Variants in PITX1 observed in about 807,000 individuals in gnomAD.
PITX1 encodes the protein paired like homeodomain 1.
In PITX1, 5 loss-of-function variants were observed where a neutral mutation model predicts 24.1. The observed-to-expected ratio is 0.21, with a 90% CI of 0.11 to 0.44. The LOEUF is 0.44. PITX1 is among the 20% of genes least tolerant of loss of function. PITX1 has a pLI of 0.99. For synonymous variants in PITX1, 213 were observed against 208.9 expected (o/e 1.02, Z -0.17); for missense variants, 401 against 455.4 (o/e 0.88, Z 1.09).
Position 135,033,544 on chromosome 5 carries a change from A to C in PITX1, c.169+169T>G. ...GTGGAAGTGCCTTCGCGTGTGCGTA[A>C]GTTTCCGCGTTCACCGTCAGGTCGA... On this transcript the variant is annotated intron_variant, in intron 1 of 2. Coordinates refer to ENST00000265340, the MANE Select transcript of PITX1 (RefSeq NM_002653.5). The surrounding 1 kb of genome is among the most constrained non-coding windows in gnomAD (Gnocchi z 5.9). 1 of 700,558 alleles carries C rather than the reference A, an allele frequency of 1.4e-6. No homozygotes were observed. Among genetic ancestry groups the C allele is most frequent in the Non-Finnish European group, 2.3e-6 (1 of 426,638 alleles). The allele number at this position is 700,558 out of a possible 1,614,324, so 43.4% of individuals were successfully genotyped here.
Position 135,033,662 on chromosome 5 carries a change from G to A in PITX1, c.169+51C>T, listed in dbSNP as rs750504262. The A allele has an allele frequency of 3.8e-5, 59 of 1,571,814 alleles. 1 individual carries two copies. The highest frequency in any genetic ancestry group is 3.9e-4 in the Middle Eastern group (2 of 5,128). ...TCAGGCCCTGCTCCCAGCTCCCCGT[G>A]CTCCGCGCCCGGGTAGGCTCTGTGC... On this transcript the variant is annotated intron_variant, in intron 1 of 2. Coordinates refer to ENST00000265340, the MANE Select transcript of PITX1 (RefSeq NM_002653.5). This position sits in a 1 kb window ranked among gnomAD's most constrained non-coding sequence, Gnocchi z 5.9.
At position 135,031,358 on chromosome 5, in the gene PITX1, G is replaced by A. The variant is rs1312538588; in HGVS notation, c.320C>T (p.Thr107Met). ...TSQQLQELEA[T>M]FQRNRYPDMS... ...GTCGGGGTAGCGGTTCCTCTGGAACGTGGCCTCTAGCTCTTGCAACTGCTG... is the reference window on the plus strand; with the variant it reads ...GTCGGGGTAGCGGTTCCTCTGGAACATGGCCTCTAGCTCTTGCAACTGCTG... The change falls in exon 2 of 3, where the codon ACG becomes ATG. Residue 107 changes from threonine to methionine, a missense_variant. Physicochemically the swap from Thr to Met is moderately conservative, Grantham distance 81. Transcript: ENST00000265340. 2.5e-6 allele frequency: 4 copies of A among 1,614,084 alleles called. No individual in the cohort carries two copies. The highest frequency in any genetic ancestry group is 1.3e-5 in the African/African-American group (1 of 75,050).
rs1231084017 is a variant in PITX1 at position 135,028,598 on chromosome 5, T to C, written c.*181A>G. 7.0e-6 allele frequency: 1 copy of C among 143,310 alleles called. No homozygotes were observed. The highest frequency in any genetic ancestry group is 1.2e-5 in the Non-Finnish European group (1 of 80,366). 8.9% of individuals were successfully genotyped at this position (143,310 alleles called of 1,614,324 possible). A position where few individuals can be genotyped will look rare whatever the true frequency, so the allele number is the denominator to read the frequency against. ...TGTCTTTTTGGAGGGCAGAGTGGGG[T>C]CCGGAAAAGCAAACACAAAACCAAC... is the stretch of plus-strand genomic sequence containing the variant. On this transcript the variant is annotated 3_prime_UTR_variant, in exon 3 of 3. Transcript: ENST00000265340.
At position 135,033,103 on chromosome 5, in the gene PITX1, G is replaced by C. The variant is rs1351691873; in HGVS notation, c.169+610C>G. 3 of 395,152 alleles carry C rather than the reference G, an allele frequency of 7.6e-6. No individual in the cohort carries two copies. Among genetic ancestry groups the C allele is most frequent in the East Asian group, 8.7e-5 (1 of 11,446 alleles). The allele number at this position is 395,152 out of a possible 1,614,324, so 24.5% of individuals were successfully genotyped here. A position where few individuals can be genotyped will look rare whatever the true frequency, so the allele number is the denominator to read the frequency against. ...CCAGAGCCGGGCTGCTCCGGGCTTC[G>C]GCCGCGCACGTGGGCCGGATCCCTT... On this transcript the variant is annotated intron_variant, in intron 1 of 2. Coordinates refer to ENST00000265340, the MANE Select transcript of PITX1 (RefSeq NM_002653.5). This position sits in a 1 kb window ranked among gnomAD's most constrained non-coding sequence, Gnocchi z 5.9.
At chr5:135,029,492 C>G (rs1431051072) in intron 2 of PITX1, among the ~76,000 whole-genome samples, 171 bp from the exon 3 acceptor site, 1 of 152,230 alleles carries the variant, frequency 6.6e-6, no homozygotes, top group Non-Finnish European at 1.5e-5. Context: ...CCTTTCCTGT[C>G]CCCAGAAAAT....
chr5:135,031,621 C>T, intron 1 of PITX1, 113 bp from the exon 2 acceptor site: 1 of 857,862 alleles, frequency 1.2e-6, no homozygotes, highest in Non-Finnish European at 1.8e-6. Flanking sequence ...TCCCTCCCTC[C>T]CTCTAGGGTT....
rs1752395204 is a variant in PITX1, at chr5:135,028,730, C to T, written c.*49G>A. The T allele has an allele frequency of 2.9e-6, 4 of 1,358,036 alleles. No individual in the cohort carries two copies. The highest frequency in any genetic ancestry group is 3.8e-6 in the Non-Finnish European group (4 of 1,052,928). 84.1% of individuals were successfully genotyped at this position (1,358,036 alleles called of 1,614,324 possible). On this transcript the variant is annotated 3_prime_UTR_variant, in exon 3 of 3. Transcript: ENST00000265340. ...CGCGTGCGTCCTCCGCGCCCGCGCC[C>T]GCGCCCTTCCCCGCTCCGGCCGCCG...
Position 135,028,907 on chromosome 5 carries a change from C to A in PITX1, c.817G>T (p.Val273Phe), listed in dbSNP as rs747391523. ...CTCGAGTTGCACGTGTCCCGGTAGA[C>A]GCTGTAGGGCGAGGCGGGAGTGCCG... The part of the protein sequence containing the change: ...PYGTPASPYS[V>F]YRDTCNSSLA... The change falls in exon 3 of 3, where the codon GTC (valine) becomes TTC (phenylalanine). Residue 273 changes from valine to phenylalanine, a missense_variant. Physicochemically the swap from Val to Phe is conservative, Grantham distance 50 (BLOSUM62 -1). Around this residue, in one of 3 missense-constraint regions of PITX1, gnomAD observed 217 missense variants for 219.8 expected, o/e 0.99. Coordinates refer to ENST00000265340, the MANE Select transcript of PITX1 (RefSeq NM_002653.5). The A allele has an allele frequency of 6.2e-6, 10 of 1,613,880 alleles. No homozygotes were observed. The highest frequency in any genetic ancestry group is 8.5e-6 in the Non-Finnish European group (10 of 1,179,956).
In PITX1 at chr5:135,031,848, G is replaced by A. The variant is rs1245575816; in HGVS notation, c.170-340C>T. Reference sequence around the variant, plus strand: ...TATGCTTTTTGTTTGTTTGTTTTGCGAACTCTTAGGGGGTCTAAATCTGAG... The same window carrying A: ...TATGCTTTTTGTTTGTTTGTTTTGCAAACTCTTAGGGGGTCTAAATCTGAG... On this transcript the variant is annotated intron_variant, in intron 1 of 2. Transcript: ENST00000265340. 3.1e-5 allele frequency: 13 copies of A among 416,094 alleles called. 1 individual carries two copies. The highest frequency in any genetic ancestry group is 1.2e-4 in the Admixed American group (3 of 24,180). 25.8% of individuals were successfully genotyped at this position (416,094 alleles called of 1,614,324 possible).
Position 135,033,076 on chromosome 5 carries a change from G to A in PITX1, c.169+637C>T, listed in dbSNP as rs952802681. ...GGAGACGCGCAGGAGCCGGGGCGGG[G>A]GCCAGAGCCGGGCTGCTCCGGGCTT... On this transcript the variant is annotated intron_variant, in intron 1 of 2. Transcript: ENST00000265340. This position sits in a 1 kb window ranked among gnomAD's most constrained non-coding sequence, Gnocchi z 5.9. 36 of 441,178 alleles carry A rather than the reference G, an allele frequency of 8.2e-5. No individual in the cohort carries two copies. Among genetic ancestry groups the A allele is most frequent in the Admixed American group, 3.9e-4 (16 of 41,200 alleles). The allele number at this position is 441,178 out of a possible 1,614,324, so 27.3% of individuals were successfully genotyped here. A position where few individuals can be genotyped will look rare whatever the true frequency, so the allele number is the denominator to read the frequency against.
In PITX1 at chr5:135,028,891, C is replaced by A; in HGVS notation, c.833G>T (p.Cys278Phe). 4 of 1,613,728 alleles carry A rather than the reference C, an allele frequency of 2.5e-6. No homozygotes were observed. Among genetic ancestry groups the A allele is most frequent in the Non-Finnish European group, 3.4e-6 (4 of 1,179,932 alleles). Residue 278 changes from cysteine (C) to phenylalanine (F), a missense_variant, in exon 3 of 3, where the codon TGC becomes TTC. By Grantham distance (205) the Cys-to-Phe change is radical. This residue lies in a region of PITX1 where 217 missense variants were observed against 219.8 expected (regional missense o/e 0.99). Transcript: ENST00000265340. ...ASPYSVYRDT[C>F]NSSLASLRLK... is the part of the protein sequence containing the mutation. ...CCGCAGGCTGGCTAGGCTCGAGTTG[C>A]ACGTGTCCCGGTAGACGCTGTAGGG...
intron 1 of PITX1, chr5:135,031,748 G>A (rs2149561108): frequency 1.7e-6 from 1 of 591,174 alleles, no homozygotes; most frequent in East Asian, 2.8e-5. Flanking sequence ...GCGGGCCTGC[G>A]TTCCTGGCTG....
chr5:135,028,700 G>C lies in PITX1; in HGVS notation c.*79C>G, dbSNP rs1292888407. ...CGGTGAGCTGGGGCTTGCGAGCCGG[G>C]GCCCCGCGTGCGTCCTCCGCGCCCG... is the stretch of plus-strand genomic sequence containing the variant. On this transcript the variant is annotated 3_prime_UTR_variant, in exon 3 of 3. Coordinates refer to ENST00000265340, the MANE Select transcript of PITX1 (RefSeq NM_002653.5). 5 of 1,079,704 alleles carry C rather than the reference G, an allele frequency of 4.6e-6. No individual in the cohort carries two copies. The East Asian group carries it at 1.1e-4, about 23-fold the overall frequency. The allele number at this position is 1,079,704 out of a possible 1,614,324, so 66.9% of individuals were successfully genotyped here. A position where few individuals can be genotyped will look rare whatever the true frequency, so the allele number is the denominator to read the frequency against.
At position 135,033,233 on chromosome 5, in the gene PITX1, C is replaced by T. The variant is rs999847626; in HGVS notation, c.169+480G>A. On this transcript the variant is annotated intron_variant, in intron 1 of 2. Transcript: ENST00000265340. The surrounding 1 kb of genome is among the most constrained non-coding windows in gnomAD (Gnocchi z 5.9). ...CTTCTACTTGATGACCCCTCTCCCC[C>T]CGTTTACCCTTCCCGCCCGCCCCTT... is the stretch of plus-strand genomic sequence containing the variant. The T allele has an allele frequency of 4.6e-5, 14 of 304,996 alleles. No individual in the cohort carries two copies. Among genetic ancestry groups the T allele is most frequent in the South Asian group, 3.5e-4 (14 of 39,604 alleles). The allele number at this position is 304,996 out of a possible 1,614,324, so 18.9% of individuals were successfully genotyped here. A position where few individuals can be genotyped will look rare whatever the true frequency, so the allele number is the denominator to read the frequency against.
At chr5:135,029,454 C>G (rs1752412720) in intron 2 of PITX1, 133 bp from the exon 3 acceptor site, 6 of 685,000 alleles carry the variant, frequency 8.8e-6, no homozygotes, top group Non-Finnish European at 1.5e-5. Flanking sequence ...ACCGATATTT[C>G]CGCTCCTGCA....
In PITX1 at chr5:135,028,820, C is replaced by T. The variant is rs1165114591; in HGVS notation, c.904G>A (p.Gly302Ser). ...HSSFGYGGLQ[G>S]PASGLNACQY... is the part of the protein sequence containing the mutation. The stretch of plus-strand genomic sequence containing the variant: ...CACGCGTTGAGGCCCGAGGCCGGGC[C>T]CTGCAGGCCGCCGTAGCCAAACGAC... The change falls in exon 3 of 3, where the codon GGC (glycine) becomes AGC (serine). Residue 302 changes from glycine to serine, a missense_variant. Physicochemically the swap from Gly to Ser is moderately conservative, Grantham distance 56. Around this residue, in one of 3 missense-constraint regions of PITX1, gnomAD observed 217 missense variants for 219.8 expected, o/e 0.99. Coordinates refer to ENST00000265340, the MANE Select transcript of PITX1 (RefSeq NM_002653.5). 1 of 1,611,988 alleles carries T rather than the reference C, an allele frequency of 6.2e-7. No individual in the cohort carries two copies. The highest frequency in any genetic ancestry group is 1.3e-5 in the African/African-American group (1 of 74,864).
Position 135,028,698 on chromosome 5 carries a change from G to A in PITX1, c.*81C>T, listed in dbSNP as rs1752393821. The A allele has an allele frequency of 9.4e-6, 10 of 1,062,602 alleles. No individual in the cohort carries two copies. The highest frequency in any genetic ancestry group is 9.6e-6 in the Non-Finnish European group (8 of 836,118). The allele number at this position is 1,062,602 out of a possible 1,614,324, so 65.8% of individuals were successfully genotyped here. A position where few individuals can be genotyped will look rare whatever the true frequency, so the allele number is the denominator to read the frequency against. On this transcript the variant is annotated 3_prime_UTR_variant, in exon 3 of 3. Coordinates refer to ENST00000265340, the MANE Select transcript of PITX1 (RefSeq NM_002653.5). ...CGCGGTGAGCTGGGGCTTGCGAGCC[G>A]GGGCCCCGCGTGCGTCCTCCGCGCC...
At position 135,028,673 on chromosome 5, in the gene PITX1, C is replaced by G. The variant is rs1026232001; in HGVS notation, c.*106G>C. 8.2e-6 allele frequency: 6 copies of G among 730,126 alleles called. No homozygotes were observed. The highest frequency in any genetic ancestry group is 1.1e-5 in the Non-Finnish European group (6 of 544,894). 45.2% of individuals were successfully genotyped at this position (730,126 alleles called of 1,614,324 possible). A position where few individuals can be genotyped will look rare whatever the true frequency, so the allele number is the denominator to read the frequency against. On this transcript the variant is annotated 3_prime_UTR_variant, in exon 3 of 3. Coordinates refer to ENST00000265340, the MANE Select transcript of PITX1 (RefSeq NM_002653.5). ...GGCTGCGCAGGTGTGAGGTCCGCGG[C>G]GCGGTGAGCTGGGGCTTGCGAGCCG...
Position 135,029,275 on chromosome 5 carries a change from T to C in PITX1, c.449A>G (p.Asn150Ser). 1.2e-6 allele frequency: 2 copies of C among 1,609,364 alleles called. No individual in the cohort carries two copies. The highest frequency in any genetic ancestry group is 1.7e-6 in the Non-Finnish European group (2 of 1,176,988). ...ACCCTTGCACAGGTCCAGCTGCTGGTTACGCTCGCGCTTACGCCACTTGGC... is the reference window on the plus strand; with the variant it reads ...ACCCTTGCACAGGTCCAGCTGCTGGCTACGCTCGCGCTTACGCCACTTGGC... ...RRAKWRKRER[N>S]QQLDLCKGGY... Residue 150 changes from asparagine to serine, a missense_variant, in exon 3 of 3, where the codon AAC (asparagine) becomes AGC (serine). Physicochemically the swap from Asn to Ser is conservative, Grantham distance 46 (BLOSUM62 1). Coordinates refer to ENST00000265340, the MANE Select transcript of PITX1 (RefSeq NM_002653.5).
Sources: allele counts gnomAD v4.1 joint callset (sites outside exome capture counted in the v4.1 genomes callset), GRCh38; gene constraint gnomAD v4.1.1; regional missense constraint gnomAD v4.1.1; non-coding constraint Gnocchi (gnomAD v3.1); transcripts MANE v1.5; gene names NCBI Gene and HGNC (gene_info 2026-07-23, HGNC 2026-07-21).